Variants in ADAMTSL1 observed in about 807,000 individuals in gnomAD.
ADAMTSL1 encodes the protein ADAMTS like 1.
ADAMTSL1 carries 126 observed loss-of-function variants against 201.8 expected under a neutral mutation model. The observed-to-expected ratio is 0.62, with a 90% CI of 0.54 to 0.72. The LOEUF (loss-of-function observed/expected upper bound fraction) is 0.72, where lower values mean the gene tolerates loss of function less well. Among genes scored for constraint, ADAMTSL1 ranks in the 30% least tolerant of loss-of-function variants. The pLI, the probability that ADAMTSL1 is intolerant of heterozygous loss-of-function variation, is 0.00. For missense variants in ADAMTSL1, 2,679 were observed against 2,277.8 expected, an observed-to-expected ratio of 1.18 and a Z score of -3.59; for synonymous variants, 1,121 against 903.4, an observed-to-expected ratio of 1.24 and a Z score of -4.32.
intron 2 of ADAMTSL1, among the ~76,000 whole-genome samples, chr9:18,231,181 C>T (rs909479359): frequency 2.0e-5 from 3 of 152,156 alleles, no homozygotes; most frequent in Non-Finnish European, 4.4e-5. Context: ...GCCCACTCCA[C>T]CTACTTGTCT....
intron 1 of ADAMTSL1, among the ~76,000 whole-genome samples, chr9:17,958,242 A>G (rs1267944571): frequency 1.3e-5 from 2 of 152,120 alleles, no homozygotes; most frequent in Non-Finnish European, 2.9e-5. Context: ...TTGAGTTTCT[A>G]TTACAGCAGT....
At chr9:18,471,741 C>T (rs1190631030), upstream of ADAMTSL1, among the ~76,000 whole-genome samples, 1 of 152,142 alleles carries the variant, frequency 6.6e-6, no homozygotes, top group Non-Finnish European at 1.5e-5. Context: ...ATCCTCCAGG[C>T]ATTCAACAGG....
At chr9:18,469,196 A>C (rs1468671292), upstream of ADAMTSL1, among the ~76,000 whole-genome samples, 2 of 152,126 alleles carry the variant, frequency 1.3e-5, no homozygotes, top group Admixed American at 1.3e-4. Context: ...TGAGTCCTTA[A>C]ATATGCATTG....
At chr9:18,219,720 ATACT>A (rs1364574066) in intron 2 of ADAMTSL1, among the ~76,000 whole-genome samples, 1 of 152,180 alleles carries the variant, frequency 6.6e-6, no homozygotes, top group Non-Finnish European at 1.5e-5. Context: ...TTTCCCATAA[ATACT>A]TAATACATTG....
chr9:18,646,308 C>T (rs1434834997), intron 7 of ADAMTSL1, among the ~76,000 whole-genome samples: 1 of 152,126 alleles, frequency 6.6e-6, no homozygotes, highest in Admixed American at 6.6e-5. Context: ...ATGGGGTTTT[C>T]TAGATATACA....
intron 23 of ADAMTSL1, among the ~76,000 whole-genome samples, chr9:18,841,959 T>G (rs1257850374): frequency 6.6e-6 from 1 of 152,012 alleles, no homozygotes; most frequent in Non-Finnish European, 1.5e-5. Context: ...TAGCGGTCTA[T>G]CAATTTTGTT....
Position 18,754,715 on chromosome 9 carries a change from C to A in ADAMTSL1, c.2217+1207C>A, listed in dbSNP as rs1456709118. Among the ~76,000 whole-genome samples the A allele has an allele frequency of 4.6e-5, 7 of 152,168 alleles. 1 individual carries two copies. Among genetic ancestry groups the A allele is most frequent in the Admixed American group, 4.6e-4 (7 of 15,276 alleles). ...ATCTTGGAGCTGTGGTTTAGTAAAACACTCAAAGAATCAAATACTGATGAA... is the reference window on the plus strand; with the variant it reads ...ATCTTGGAGCTGTGGTTTAGTAAAAAACTCAAAGAATCAAATACTGATGAA... On this transcript the variant is annotated intron_variant, in intron 16 of 28. Coordinates refer to ENST00000380548, the MANE Select transcript of ADAMTSL1 (RefSeq NM_001040272.6).
At chr9:18,695,733 C>A (rs1369670228) in intron 13 of ADAMTSL1, among the ~76,000 whole-genome samples, 4 of 152,196 alleles carry the variant, frequency 2.6e-5, no homozygotes, top group African/African-American at 9.6e-5. Flanking sequence ...CAAACTCTTC[C>A]AACCTCTGCC....
Position 18,058,615 on chromosome 9 carries a change from A to T in ADAMTSL1, c.88-105247A>T, listed in dbSNP as rs558187190. Among the ~76,000 whole-genome samples, 8 of 152,262 alleles carry T rather than the reference A, an allele frequency of 5.3e-5. No individual in the cohort carries two copies. In the East Asian group the frequency reaches 1.5e-3, roughly 29 times the overall value. On this transcript the variant is annotated intron_variant, in intron 1 of 29. Transcript: ENST00000680146. ...TAAAATACAGATACTGGCATTTCTC[A>T]CATAAGAAAAACTGTAAAATCCCAT...
chr9:18,011,853 G>A (rs889437655), intron 1 of ADAMTSL1, among the ~76,000 whole-genome samples: 6 of 151,966 alleles, frequency 3.9e-5, no homozygotes, highest in Admixed American at 6.6e-5. Flanking sequence ...TACAACCCAT[G>A]AGTTGCCTTG....
intron 20 of ADAMTSL1, among the ~76,000 whole-genome samples, chr9:18,815,711 CAAAAAAAAAAAAAA>C (rs35926602): frequency 1.5e-5 from 1 of 67,934 alleles, no homozygotes; most frequent in East Asian, 3.5e-4. Flanking sequence ...AACCCTGTCT[CAAAAAAAAAAAAAA>C]AAAAAAAAAA....
At chr9:18,724,292 C>G (rs1483452455) in intron 15 of ADAMTSL1, among the ~76,000 whole-genome samples, 9 of 152,150 alleles carry the variant, frequency 5.9e-5, no homozygotes, top group Non-Finnish European at 1.0e-4. Flanking sequence ...TCAGAATTAT[C>G]AGATCACATG....
intron 23 of ADAMTSL1, among the ~76,000 whole-genome samples, chr9:18,876,718 T>A (rs1828183706): frequency 6.6e-6 from 1 of 152,196 alleles, no homozygotes; most frequent in African/African-American, 2.4e-5. Context: ...GATAACCAGA[T>A]GACTATGTGC....
intron 14 of ADAMTSL1, among the ~76,000 whole-genome samples, chr9:18,716,199 A>C (rs1009292174): frequency 2.0e-5 from 3 of 152,110 alleles, no homozygotes; most frequent in Non-Finnish European, 4.4e-5. Flanking sequence ...TGTCTAAAAC[A>C]CCAAAAGCAA....
intron 1 of ADAMTSL1, among the ~76,000 whole-genome samples, chr9:18,089,457 G>A (rs1167099910): frequency 6.7e-6 from 1 of 148,516 alleles, no homozygotes; most frequent in Admixed American, 6.8e-5. Context: ...ACACACTGGG[G>A]CCTGTCGGGG....
chr9:18,850,173 G>A (rs549371071), intron 23 of ADAMTSL1, among the ~76,000 whole-genome samples: 25 of 152,242 alleles, frequency 1.6e-4, no homozygotes, highest in East Asian at 7.7e-4. Flanking sequence ...TTGAGAAAAC[G>A]CACTCACACT....
intron 2 of ADAMTSL1, among the ~76,000 whole-genome samples, chr9:18,230,697 A>C (rs1318761528): frequency 6.6e-6 from 1 of 152,208 alleles, no homozygotes; most frequent in Non-Finnish European, 1.5e-5. Flanking sequence ...AATAATACAG[A>C]AAGTCTCAAA....
chr9:18,277,323 A>C (rs1484273724), intron 2 of ADAMTSL1, among the ~76,000 whole-genome samples: 1 of 152,196 alleles, frequency 6.6e-6, no homozygotes, highest in South Asian at 2.1e-4. Context: ...TGATCTATCC[A>C]TTATTTAACA....
At chr9:18,058,443 A>G (rs922955489) in intron 1 of ADAMTSL1, among the ~76,000 whole-genome samples, 2 of 152,226 alleles carry the variant, frequency 1.3e-5, no homozygotes, top group African/African-American at 2.4e-5. Context: ...TAATCATTGA[A>G]GATAAATATT....
Sources: gnomAD v4.1 joint callset for allele counts (sites outside exome capture counted in the v4.1 genomes callset) on GRCh38, gnomAD v4.1.1 for gene constraint, MANE v1.5 for transcripts, NCBI Gene and HGNC (gene_info 2026-07-23, HGNC 2026-07-21) for gene names.